The following NDST4 variants were observed in gnomAD, a reference collection of about 807,000 sequenced individuals.
NDST4 encodes N-deacetylase and N-sulfotransferase 4, also known as N-heparan sulfate sulfotransferase 4.
Under a neutral mutation model 100.8 loss-of-function variants are expected in NDST4, and 63 were observed. The ratio of observed to expected loss-of-function variants is 0.62; its 90% CI spans 0.51 to 0.77. The LOEUF (loss-of-function observed/expected upper bound fraction) is 0.77. Among genes scored for constraint, NDST4 ranks in the 30% least tolerant of loss-of-function variants. The probability of loss-of-function intolerance (pLI) is 0.00; values close to 1 mark genes in which losing one functional copy is unlikely to be tolerated. For missense variants in NDST4, 943 were observed against 1,018.4 expected (o/e 0.93, Z 1.01); for synonymous variants, 377 against 361.8 (o/e 1.04, Z -0.48).
In NDST4 at chr4:115,012,421, C is replaced by T. The variant is rs1004978111; in HGVS notation, c.979-35147G>A. Among the ~76,000 whole-genome samples the T allele has an allele frequency of 5.9e-5, 9 of 151,930 alleles. No individual in the cohort carries two copies. In the East Asian group the frequency reaches 9.6e-4, roughly 16 times the overall value. On this transcript the variant is annotated intron_variant, in intron 2 of 13. Transcript: ENST00000264363. ...CTAAATCAAATGTTTTATTACTTGA[C>T]GGTTGCAAAGTAAAACTATCATTCC...
At chr4:115,027,371 A>G (rs1303702459) in intron 2 of NDST4, among the ~76,000 whole-genome samples, 1 of 152,152 alleles carries the variant, frequency 6.6e-6, no homozygotes, top group Non-Finnish European at 1.5e-5. Context: ...GGGTGAGATC[A>G]TTGTATCTCA....
At chr4:115,107,278 T>A (rs1389534498) in intron 1 of NDST4, among the ~76,000 whole-genome samples, 1 of 152,126 alleles carries the variant, frequency 6.6e-6, no homozygotes, top group African/African-American at 2.4e-5. Flanking sequence ...CTTAGAAATA[T>A]AAAGAATAGA....
intron 2 of NDST4, among the ~76,000 whole-genome samples, chr4:115,055,662 A>C (rs988254255): frequency 5.3e-5 from 8 of 152,136 alleles, no homozygotes; most frequent in African/African-American, 1.9e-4. Context: ...TGGTGATTTC[A>C]ATATGTTTAA....
intron 6 of NDST4, among the ~76,000 whole-genome samples, chr4:114,913,222 T>A (rs1185145096): frequency 6.6e-6 from 1 of 152,104 alleles, no homozygotes; most frequent in Non-Finnish European, 1.5e-5. Context: ...ATTGTGATGT[T>A]AATTCCTCTT....
chr4:115,018,363 TTTG>T (rs1473310765), intron 2 of NDST4, among the ~76,000 whole-genome samples: 3 of 151,954 alleles, frequency 2.0e-5, no homozygotes, highest in Non-Finnish European at 4.4e-5. Context: ...TAATTTTAGT[TTTG>T]TTTACAAAAT....
At chr4:114,866,974 CT>C (rs1228305018) in intron 7 of NDST4, among the ~76,000 whole-genome samples, 2 of 152,048 alleles carry the variant, frequency 1.3e-5, no homozygotes, top group Non-Finnish European at 2.9e-5. Context: ...AGTATACTTG[CT>C]TTTTTAATTG....
intron 6 of NDST4, among the ~76,000 whole-genome samples, chr4:114,893,257 T>C (rs11944811): frequency 0.22 from 33,996 of 152,062 alleles, 5,386 homozygotes; most frequent in African/African-American, 0.46. Context: ...TGGGTATATA[T>C]CCAGTAATGG....
chr4:115,100,416 G>A (rs1578521295), intron 1 of NDST4, among the ~76,000 whole-genome samples: 1 of 151,972 alleles, frequency 6.6e-6, no homozygotes, highest in African/African-American at 2.4e-5. Context: ...AATATGGAAA[G>A]TCTTTGTACT....
At chr4:114,846,853 A>G (rs1003146474) in intron 9 of NDST4, among the ~76,000 whole-genome samples, 1 of 152,148 alleles carries the variant, frequency 6.6e-6, no homozygotes, top group Non-Finnish European at 1.5e-5. Context: ...AGTCTCATCT[A>G]TATTCCTGCT....
rs572309067 is a variant in NDST4 at position 115,109,120 on chromosome 4, G to T, written c.-247+4324C>A. Among the ~76,000 whole-genome samples the T allele has an allele frequency of 4.0e-5, 6 of 151,118 alleles. No homozygotes were observed. In the South Asian group the frequency reaches 1.3e-3, roughly 32 times the overall value. Reference sequence around the variant, plus strand: ...GAAGAGAGAAAAGAATAAAGAAAAAGAATAGAAAAAGAGAGGAAGGGAAGG... The same window carrying T: ...GAAGAGAGAAAAGAATAAAGAAAAATAATAGAAAAAGAGAGGAAGGGAAGG... On this transcript the variant is annotated intron_variant, in intron 1 of 13. Transcript: ENST00000264363.
At chr4:114,878,601 A>G (rs1212052835) in intron 6 of NDST4, among the ~76,000 whole-genome samples, 1 of 152,198 alleles carries the variant, frequency 6.6e-6, no homozygotes, top group African/African-American at 2.4e-5. Context: ...CCTACGCTTG[A>G]GCACTGGCTC....
Position 114,852,806 on chromosome 4 carries a change from T to G in NDST4, c.1735A>C (p.Lys579Gln). 6.2e-7 allele frequency: 1 copy of G among 1,611,476 alleles called. No individual in the cohort carries two copies. Among genetic ancestry groups the G allele is most frequent in the Non-Finnish European group, 8.5e-7 (1 of 1,178,322 alleles). ...CTGGACCAGATGTCTTTGTGTCGTTTATCATCACATGGATTCTGCAAGAAG... is the reference window on the plus strand; with the variant it reads ...CTGGACCAGATGTCTTTGTGTCGTTGATCATCACATGGATTCTGCAAGAAG... ...DPLWQNPCDD[K>Q]RHKDIWSREK... Residue 579 changes from lysine (K) to glutamine (Q), a missense_variant, in exon 8 of 14, where the codon AAA becomes CAA. By Grantham distance (53) the Lys-to-Gln change is moderately conservative (BLOSUM62 1). Around this residue, in one of 2 missense-constraint regions of NDST4, gnomAD observed 526 missense variants for 634.1 expected, o/e 0.83. Coordinates refer to ENST00000264363, the MANE Select transcript of NDST4 (RefSeq NM_022569.3).
At chr4:114,870,713 C>T in intron 7 of NDST4, 55 bp downstream of exon 7, 7 of 1,470,534 alleles carry the variant, frequency 4.8e-6, no homozygotes, top group Non-Finnish European at 6.4e-6. Flanking sequence ...AAATTATACA[C>T]TCACAAATTG....
At chr4:114,896,556 G>A (rs1023151793) in intron 6 of NDST4, among the ~76,000 whole-genome samples, 2 of 151,436 alleles carry the variant, frequency 1.3e-5, no homozygotes, top group Non-Finnish European at 2.9e-5. Flanking sequence ...CTCAGGAGGC[G>A]GAGGTTGCAG....
At chr4:114,972,185 G>A (rs72910681) in intron 3 of NDST4, among the ~76,000 whole-genome samples, 5,203 of 152,042 alleles carry the variant, frequency 0.034, 320 homozygotes, top group African/African-American at 0.12. Flanking sequence ...CTTACCCAGA[G>A]CAGTGAATAA....
intron 4 of NDST4, among the ~76,000 whole-genome samples, chr4:114,956,881 T>TA (rs1272877789): frequency 6.6e-6 from 1 of 151,940 alleles, no homozygotes; most frequent in South Asian, 2.1e-4. Context: ...AAATGTCCAT[T>TA]AAAAAAATAC....
At chr4:114,911,218 A>AT (rs75385823) in intron 6 of NDST4, among the ~76,000 whole-genome samples, 12,673 of 152,116 alleles carry the variant, frequency 0.083, 734 homozygotes, top group East Asian at 0.31. Context: ...TTCTTTGCTG[A>AT]TTTTATTTCC....
At position 114,877,425 on chromosome 4, in the gene NDST4, A is replaced by G. The variant is rs115178909; in HGVS notation, c.1537-6475T>C. Among the ~76,000 whole-genome samples the G allele has an allele frequency of 7.9e-3, 1,203 of 152,302 alleles. 13 individuals carry two copies. Among genetic ancestry groups the G allele is most frequent in the African/African-American group, 0.028 (1,147 of 41,564 alleles). Reference sequence around the variant, plus strand: ...CTGATTACTGACTCTAGACACTTTAAGATAATAAGTACTTAAGAGAGAAAT... The same window carrying G: ...CTGATTACTGACTCTAGACACTTTAGGATAATAAGTACTTAAGAGAGAAAT... On this transcript the variant is annotated intron_variant, in intron 6 of 13. Transcript: ENST00000264363.
intron 12 of NDST4, among the ~76,000 whole-genome samples, chr4:114,832,456 T>G (rs1489012685): frequency 3.3e-5 from 5 of 152,230 alleles, no homozygotes; most frequent in Middle Eastern, 3.2e-3. Flanking sequence ...GGGAGAGGCT[T>G]TTATGAATAA....
Sources: allele counts gnomAD v4.1 joint callset (sites outside exome capture counted in the v4.1 genomes callset), GRCh38; gene constraint gnomAD v4.1.1; regional missense constraint gnomAD v4.1.1; transcripts MANE v1.5; gene names NCBI Gene and HGNC (gene_info 2026-07-23, HGNC 2026-07-21).